Variants in CENPP observed in about 807,000 individuals in gnomAD.
CENPP encodes centromere protein P.
CENPP carries 24 observed loss-of-function variants against 35.6 expected under a neutral mutation model. That is an observed-to-expected ratio of 0.67 (90% confidence interval 0.49 to 0.95). The LOEUF (loss-of-function observed/expected upper bound fraction) is 0.95. Among genes scored for constraint, CENPP ranks in the 40% least tolerant of loss-of-function variants. The pLI is 0.00. For missense variants in CENPP, 332 were observed against 345.3 expected (o/e 0.96, Z 0.31); for synonymous variants, 120 against 125.5 (o/e 0.96, Z 0.29).
At chr9:92,423,476 T>C (rs922699200) in intron 5 of CENPP, among the ~76,000 whole-genome samples, 4 of 152,134 alleles carry the variant, frequency 2.6e-5, no homozygotes, top group African/African-American at 9.7e-5. Flanking sequence ...TTGTTTTTAT[T>C]TGTATGACAT....
chr9:92,560,855 T>G (rs1849831081), intron 5 of CENPP, among the ~76,000 whole-genome samples: 1 of 147,280 alleles, frequency 6.8e-6, no homozygotes, highest in Admixed American at 6.8e-5. Context: ...TATGCAGCCT[T>G]CCTTTTTCTT....
At chr9:92,602,229 G>A (rs191008867) in intron 5 of CENPP, among the ~76,000 whole-genome samples, 1 of 152,310 alleles carries the variant, frequency 6.6e-6, no homozygotes, top group East Asian at 1.9e-4. Context: ...TGACTGAGTG[G>A]ATACTGATAC....
Position 92,619,545 on chromosome 9 carries a change from G to A in CENPP, c.*6396G>A, listed in dbSNP as rs1309918267. The A allele has an allele frequency of 1.3e-6, 2 of 1,588,832 alleles. No homozygotes were observed. The highest frequency in any genetic ancestry group is 1.7e-6 in the Non-Finnish European group (2 of 1,167,938). On this transcript the variant is annotated 3_prime_UTR_variant, in exon 8 of 8. Coordinates refer to ENST00000375587, the MANE Select transcript of CENPP (RefSeq NM_001012267.3). ...TGATGGAGCAGTCCTTGGCAGTCATGGCGACGCGGTACTGCTGCACCTGCA... is the reference window on the plus strand; with the variant it reads ...TGATGGAGCAGTCCTTGGCAGTCATAGCGACGCGGTACTGCTGCACCTGCA...
chr9:92,332,485 C>A, intron 2 of CENPP, 134 bp downstream of exon 2: 1 of 655,742 alleles, frequency 1.5e-6, no homozygotes. Context: ...AACTTGTTTA[C>A]TCACATATCT....
intron 5 of CENPP, among the ~76,000 whole-genome samples, chr9:92,533,328 A>AAAAAAAAAATATATATATAT (rs1554683138): frequency 1.3e-4 from 5 of 38,326 alleles, no homozygotes; most frequent in Non-Finnish European, 1.7e-4. Context: ...AAAAAAAAAA[A>AAAAAAAAAATATATATATAT]ATATATATAT....
intron 5 of CENPP, chr9:92,494,177 T>A: frequency 6.3e-7 from 1 of 1,593,772 alleles, no homozygotes; most frequent in African/African-American, 1.3e-5. Flanking sequence ...AAGAAATGAA[T>A]GAATGAATCG....
At chr9:92,434,037 C>A (rs1844186497) in intron 5 of CENPP, among the ~76,000 whole-genome samples, 1 of 152,238 alleles carries the variant, frequency 6.6e-6, no homozygotes, top group South Asian at 2.1e-4. Flanking sequence ...CACACTAATT[C>A]TAGCTGAGCC....
At chr9:92,462,312 C>G (rs989135049) in intron 5 of CENPP, among the ~76,000 whole-genome samples, 1 of 152,126 alleles carries the variant, frequency 6.6e-6, no homozygotes, top group African/African-American at 2.4e-5. Context: ...TTTGTGTAAG[C>G]TAAGTGTATC....
At chr9:92,382,721 A>G (rs1308565437) in intron 5 of CENPP, among the ~76,000 whole-genome samples, 1 of 151,994 alleles carries the variant, frequency 6.6e-6, no homozygotes, top group Non-Finnish European at 1.5e-5. Flanking sequence ...TTGTATATGG[A>G]TATCCAGTTT....
intron 4 of CENPP, among the ~76,000 whole-genome samples, chr9:92,347,919 CTTGTT>C (rs916341148): frequency 3.3e-5 from 5 of 151,824 alleles, no homozygotes; most frequent in African/African-American, 4.8e-5. Context: ...TAAGACAAAA[CTTGTT>C]TTGTTTTGTT....
At chr9:92,583,174 G>A (rs1850468942) in intron 5 of CENPP, among the ~76,000 whole-genome samples, 1 of 152,084 alleles carries the variant, frequency 6.6e-6, no homozygotes, top group Admixed American at 6.5e-5. Flanking sequence ...TATTATCTGT[G>A]GGATCAAGAT....
rs1022722375 is a variant in CENPP, at chr9:92,495,391, C to T, written c.564+115532C>T. ...AGACATAGCTTTATTTCAATTGAACCGAATAAAATGATGTATTTCAGTAAA... is the reference window on the plus strand; with the variant it reads ...AGACATAGCTTTATTTCAATTGAACTGAATAAAATGATGTATTTCAGTAAA... On this transcript the variant is annotated intron_variant, in intron 5 of 7. Transcript: ENST00000375587. 9.0e-5 allele frequency: 89 copies of T among 983,526 alleles called. 1 individual carries two copies. Among genetic ancestry groups the T allele is most frequent in the South Asian group, 1.9e-4 (4 of 21,222 alleles). 60.9% of individuals were successfully genotyped at this position (983,526 alleles called of 1,614,324 possible).
At position 92,417,155 on chromosome 9, in the gene CENPP, C is replaced by G. The variant is rs190989996; in HGVS notation, c.564+37296C>G. The G allele has an allele frequency of 5.0e-6, 8 of 1,613,790 alleles. No homozygotes were observed. In the East Asian group the frequency reaches 1.6e-4, roughly 31 times the overall value. ...TAGATTTGGAAGCTTAGCAAACACA[C>G]CATAATCAATCTTTTGAGATTTAAT... On this transcript the variant is annotated intron_variant, in intron 5 of 7. Coordinates refer to ENST00000375587, the MANE Select transcript of CENPP (RefSeq NM_001012267.3).
At chr9:92,536,955 C>G (rs575224002) in intron 5 of CENPP, among the ~76,000 whole-genome samples, 9 of 151,554 alleles carry the variant, frequency 5.9e-5, no homozygotes, top group African/African-American at 2.2e-4. Flanking sequence ...CTGAAACCTC[C>G]GCCTCCCAGG....
chr9:92,350,231 G>T (rs1355654016), intron 4 of CENPP, among the ~76,000 whole-genome samples: 2 of 152,138 alleles, frequency 1.3e-5, no homozygotes, highest in Admixed American at 6.5e-5. Flanking sequence ...AATTGAAATG[G>T]GTTACTGCCA....
intron 5 of CENPP, among the ~76,000 whole-genome samples, chr9:92,410,078 A>C (rs1843405442): frequency 6.6e-6 from 1 of 152,100 alleles, no homozygotes; most frequent in Admixed American, 6.5e-5. Context: ...CTGGGACTTC[A>C]GGTGCGTACC....
At chr9:92,513,199 G>C (rs1011411638) in intron 5 of CENPP, among the ~76,000 whole-genome samples, 21 of 152,162 alleles carry the variant, frequency 1.4e-4, no homozygotes, top group African/African-American at 4.8e-4. Flanking sequence ...TCCTGCTGTT[G>C]TTCCACTCAG....
At chr9:92,517,892 G>A (rs1002269302) in intron 5 of CENPP, 4 of 1,612,708 alleles carry the variant, frequency 2.5e-6, no homozygotes, top group Admixed American at 1.7e-5. Flanking sequence ...GAAAACAAAA[G>A]CACAAATTTA....
rs139657888 is a variant in CENPP at position 92,374,563 on chromosome 9, A to G, written c.468-5200A>G. On this transcript the variant is annotated intron_variant, in intron 4 of 7. Transcript: ENST00000375587. Reference sequence around the variant, plus strand: ...TAAATTAATACTAAACTAGATTGGCATTAATAATACCTTTAATAATTTGCA... The same window carrying G: ...TAAATTAATACTAAACTAGATTGGCGTTAATAATACCTTTAATAATTTGCA... Among the ~76,000 whole-genome samples the G allele has an allele frequency of 5.1e-3, 775 of 152,352 alleles. 3 individuals carry two copies. The highest frequency in any genetic ancestry group is 8.8e-3 in the Non-Finnish European group (598 of 68,036).
Sources: gnomAD v4.1 joint callset for allele counts (sites outside exome capture counted in the v4.1 genomes callset) on GRCh38, gnomAD v4.1.1 for gene constraint, MANE v1.5 for transcripts, NCBI Gene and HGNC (gene_info 2026-07-23, HGNC 2026-07-21) for gene names.